Variants in ECSIT observed in about 807,000 individuals in gnomAD.
ECSIT encodes evolutionarily conserved signaling intermediate in Toll pathway, mitochondrial.
Under a neutral mutation model 36.8 loss-of-function variants are expected in ECSIT, and 29 were observed. The ratio of observed to expected loss-of-function variants is 0.79; its 90% CI spans 0.59 to 1.08. ECSIT has a LOEUF of 1.08. ECSIT is among the 50% of genes least tolerant of loss of function. The pLI is 0.00. For synonymous variants in ECSIT, 231 were observed against 234.8 expected (o/e 0.98, Z 0.15); for missense variants, 542 against 581.0 (o/e 0.93, Z 0.69).
rs771263631 is a variant in ECSIT at position 11,507,510 on chromosome 19, TC to T, written c.997del (p.Asp333ThrfsTer5). 1.9e-6 allele frequency: 3 copies of T among 1,614,066 alleles called. No individual in the cohort carries two copies. The South Asian group carries it at 3.3e-5, about 18-fold the overall frequency. On this transcript the variant is annotated frameshift_variant, in exon 7 of 8. Transcript: ENST00000270517. LOFTEE classifies it high-confidence loss of function. Reference protein sequence around the residue: ...EWNLYYPMQLDLEYVRSGWDN... With the variant: ...EWNLYYPMQLXLEYVRSGWDN... ...CCAGCCACTCCTCACATACTCCAGG[TC>T]CAGCTGCATCGGGTAGTAGAGGTTC...
intron 1 of ECSIT, among the ~76,000 whole-genome samples, chr19:11,521,483 ATGGC>A (rs1241220755): frequency 6.7e-6 from 1 of 149,494 alleles, no homozygotes; most frequent in African/African-American, 2.5e-5. Context: ...AGTAAAAGTT[ATGGC>A]TGTACGTGGT....
At position 11,507,867 on chromosome 19, in the gene ECSIT, C is replaced by CATGCCCT. The variant is rs1971786785; in HGVS notation, c.797-24_797-18dup. ...TCTGGATTCCTGGTGTGGAGACATA[C>CATGCCCT]ATGCCCTGTGCCCTGCAAGGGACTC... On this transcript the variant is annotated splice_polypyrimidine_tract_variant and intron_variant, in intron 5 of 7. Transcript: ENST00000270517. 2 of 1,613,640 alleles carry CATGCCCT rather than the reference C, an allele frequency of 1.2e-6. No homozygotes were observed. Among genetic ancestry groups the CATGCCCT allele is most frequent in the East Asian group, 4.5e-5 (2 of 44,888 alleles).
intron 4 of ECSIT, among the ~76,000 whole-genome samples, chr19:11,508,383 A>ATTTTTTTTTTTTTTTTTTTTT (rs34929827): frequency 0.014 from 1,764 of 123,678 alleles, 90 homozygotes; most frequent in Admixed American, 0.023. Flanking sequence ...CTTAATTCCG[A>ATTTTTTTTTTTTTTTTTTTTT]TTTTTTTTTT....
intron 4 of ECSIT, among the ~76,000 whole-genome samples, chr19:11,508,694 A>C (rs1205219267): frequency 6.6e-6 from 1 of 152,110 alleles, no homozygotes; most frequent in East Asian, 1.9e-4. Flanking sequence ...CTGGGACTAC[A>C]GGCGCCTGCC....
At chr19:11,525,961 G>C (rs1255455297) in intron 1 of ECSIT, among the ~76,000 whole-genome samples, 1 of 151,400 alleles carries the variant, frequency 6.6e-6, no homozygotes, top group Admixed American at 6.6e-5. Context: ...TACTGAACTG[G>C]AATCTGCATT....
rs1199989592 is a variant in ECSIT at position 11,514,054 on chromosome 19, G to A, written c.264C>T (p.Ser88=). 3 of 1,614,216 alleles carry A rather than the reference G, an allele frequency of 1.9e-6. No individual in the cohort carries two copies. The highest frequency in any genetic ancestry group is 2.5e-6 in the Non-Finnish European group (3 of 1,180,032). ...CAAATTTCTGCACCGTCTGCAGGAA[G>A]CTCGCCTTGTCCCGTTCCCCACCAG... ...QAPGGERDKA[S]FLQTVQKFAE... is the part of the protein sequence containing the mutation. The change falls in exon 3 of 8, where the codon AGC becomes AGT. Residue 88 remains serine (S), a synonymous_variant. Transcript: ENST00000270517.
chr19:11,507,067 GCA>G (rs1246116959), intron 7 of ECSIT, among the ~76,000 whole-genome samples: 1 of 152,198 alleles, frequency 6.6e-6, no homozygotes, highest in Admixed American at 6.5e-5. Flanking sequence ...CCAGTAGCCA[GCA>G]CAGAGTTGTA....
chr19:11,506,343 C>A lies in ECSIT; in HGVS notation c.1137G>T (p.Glu379Asp). The change falls in exon 8 of 8, where the codon GAG becomes GAT. Residue 379 changes from glutamate (E) to aspartate (D), a missense_variant. Coordinates refer to ENST00000270517, the MANE Select transcript of ECSIT (RefSeq NM_016581.5). ...TMAKWIQGLQ[E>D]TNPTLAQIPV... ...GGATCTGGGCCAGGGTTGGGTTGGT[C>A]TCCTGCAGGCCCTGGATCCACTTAG... The A allele has an allele frequency of 6.2e-7, 1 of 1,613,594 alleles. No homozygotes were observed. The highest frequency in any genetic ancestry group is 1.7e-5 in the Admixed American group (1 of 60,024).
intron 1 of ECSIT, among the ~76,000 whole-genome samples, chr19:11,528,379 G>C (rs548160764): frequency 6.6e-6 from 1 of 152,140 alleles, no homozygotes; most frequent in Admixed American, 6.5e-5. Context: ...AGCTTCCCGA[G>C]TAGCTAGGAC....
intron 1 of ECSIT, among the ~76,000 whole-genome samples, chr19:11,524,557 A>G (rs1335715493): frequency 6.6e-6 from 1 of 151,854 alleles, no homozygotes; most frequent in Non-Finnish European, 1.5e-5. Flanking sequence ...ACCCCACTGA[A>G]GGCTGGGCAC....
At chr19:11,528,663 A>G (rs1972264313) in intron 1 of ECSIT, 1 of 152,232 alleles carries the variant, frequency 6.6e-6, no homozygotes, top group Non-Finnish European at 1.5e-5. Context: ...ACAGATGCCT[A>G]ACGAGTAACA....
chr19:11,509,690 C>G (rs1195981073), intron 4 of ECSIT, among the ~76,000 whole-genome samples: 1 of 151,300 alleles, frequency 6.6e-6, no homozygotes, highest in Admixed American at 6.6e-5. Context: ...ATTGCTTGAA[C>G]CTGGGAGGAG....
chr19:11,518,011 G>T (rs1457683748), intron 2 of ECSIT, among the ~76,000 whole-genome samples: 1 of 151,928 alleles, frequency 6.6e-6, no homozygotes, highest in Non-Finnish European at 1.5e-5. Flanking sequence ...TTAAATTAGG[G>T]TCCAGGCACA....
Position 11,507,978 on chromosome 19 carries a change from C to T in ECSIT, c.796+13G>A. The T allele has an allele frequency of 6.2e-7, 1 of 1,614,046 alleles. No homozygotes were observed. The highest frequency in any genetic ancestry group is 1.3e-5 in the African/African-American group (1 of 75,050). On this transcript the variant is annotated intron_variant, in intron 5 of 7. Transcript: ENST00000270517. Reference sequence around the variant, plus strand: ...GGTTAGAGACTTGGCTGCCCCCATGCTCTCGGACTTACCTACGATGTGGGG... The same window carrying T: ...GGTTAGAGACTTGGCTGCCCCCATGTTCTCGGACTTACCTACGATGTGGGG...
At chr19:11,524,071 C>T (rs1972162318) in intron 1 of ECSIT, among the ~76,000 whole-genome samples, 1 of 152,044 alleles carries the variant, frequency 6.6e-6, no homozygotes, top group Non-Finnish European at 1.5e-5. Flanking sequence ...AGGTGTGCGC[C>T]ACCACACTCA....
chr19:11,527,829 A>C (rs1972246597), intron 1 of ECSIT, among the ~76,000 whole-genome samples: 1 of 152,148 alleles, frequency 6.6e-6, no homozygotes, highest in Non-Finnish European at 1.5e-5. Context: ...ATCTTTACAA[A>C]AATTATTTTA....
At position 11,507,756 on chromosome 19, in the gene ECSIT, G is replaced by A. The variant is rs1971782103; in HGVS notation, c.891C>T (p.Asn297=). The A allele has an allele frequency of 1.2e-6, 2 of 1,614,096 alleles. No individual in the cohort carries two copies. The highest frequency in any genetic ancestry group is 2.2e-5 in the South Asian group (2 of 91,088). ...TGAGGATGTGGTAATACACACACTT[G>A]TTGCGGAGCCACAGGGAGAAGGGGC... ...VEGPFSLWLR[N]KCVYYHILRA... Residue 297 remains asparagine, a synonymous_variant, in exon 6 of 8, where the codon AAC becomes AAT. Transcript: ENST00000270517.
At chr19:11,509,571 C>T (rs961115790) in intron 4 of ECSIT, among the ~76,000 whole-genome samples, 1 of 151,138 alleles carries the variant, frequency 6.6e-6, no homozygotes, top group Non-Finnish European at 1.5e-5. Context: ...AGTTCAAGAC[C>T]AGCCTGGCCA....
At chr19:11,517,653 T>C (rs2144987985) in intron 2 of ECSIT, among the ~76,000 whole-genome samples, 1 of 152,238 alleles carries the variant, frequency 6.6e-6, no homozygotes, top group East Asian at 1.9e-4. Flanking sequence ...TGTAGTATTG[T>C]ACCACTTTGG....
Sources: allele counts gnomAD v4.1 joint callset (sites outside exome capture counted in the v4.1 genomes callset), GRCh38; gene constraint gnomAD v4.1.1; transcripts MANE v1.5; gene names NCBI Gene and HGNC (gene_info 2026-07-23, HGNC 2026-07-21).